The following NPAS2 variants were observed in gnomAD, a reference collection of about 807,000 sequenced individuals.
NPAS2 encodes the protein neuronal PAS domain-containing protein 2.
In NPAS2, 23 loss-of-function variants were observed where a neutral mutation model predicts 107.5. That is an observed-to-expected ratio of 0.21 (90% confidence interval 0.15 to 0.30). The LOEUF (loss-of-function observed/expected upper bound fraction) is 0.30. Among genes scored for constraint, NPAS2 ranks in the 10% least tolerant of loss-of-function variants. The pLI is 1.00. For synonymous variants in NPAS2, 403 were observed against 417.5 expected (o/e 0.97, Z 0.42); for missense variants, 756 against 1,043.3 (o/e 0.72, Z 3.79).
intron 1 of NPAS2, among the ~76,000 whole-genome samples, chr2:100,845,009 G>A (rs1677683034): frequency 6.6e-6 from 1 of 152,158 alleles, no homozygotes; most frequent in African/African-American, 2.4e-5. Flanking sequence ...GAGACTTAGA[G>A]GCAGGCAGGG....
intron 7 of NPAS2, among the ~76,000 whole-genome samples, chr2:100,955,296 T>C (rs953904542): frequency 3.3e-5 from 5 of 152,196 alleles, no homozygotes; most frequent in African/African-American, 1.2e-4. Flanking sequence ...TTTATATATA[T>C]GTATAAATAA....
intron 1 of NPAS2, among the ~76,000 whole-genome samples, chr2:100,888,549 T>C (rs1043407256): frequency 3.9e-5 from 6 of 152,298 alleles, no homozygotes; most frequent in African/African-American, 1.4e-4. Context: ...CCCCACCCCA[T>C]AGTTACTACC....
chr2:100,959,033 A>G (rs538120397), intron 7 of NPAS2, among the ~76,000 whole-genome samples: 1 of 145,146 alleles, frequency 6.9e-6, no homozygotes, highest in East Asian at 2.3e-4. Flanking sequence ...AAGTTAGATA[A>G]TTTGAGCTCA....
At chr2:100,919,507 A>G (rs1683091393) in intron 2 of NPAS2, among the ~76,000 whole-genome samples, 1 of 152,226 alleles carries the variant, frequency 6.6e-6, no homozygotes, top group Non-Finnish European at 1.5e-5. Context: ...GGTAGGGAGC[A>G]GCAGCGCCGT....
rs550708374 is a variant in NPAS2, at chr2:100,848,419, T to C, written c.-23+28005T>C. Reference sequence around the variant, plus strand: ...AAAGATCTGGATGAAGCCTTGAGTGTTTGCCTTTCTGGGATCCAAGGAAAC... The same window carrying C: ...AAAGATCTGGATGAAGCCTTGAGTGCTTGCCTTTCTGGGATCCAAGGAAAC... On this transcript the variant is annotated intron_variant, in intron 1 of 20. Coordinates refer to ENST00000335681, the MANE Select transcript of NPAS2 (RefSeq NM_002518.4). Among the ~76,000 whole-genome samples, 7 of 152,250 alleles carry C rather than the reference T, an allele frequency of 4.6e-5. No homozygotes were observed. In the South Asian group the frequency reaches 1.2e-3, roughly 27 times the overall value.
At chr2:100,911,460 T>C (rs1682543044) in intron 2 of NPAS2, among the ~76,000 whole-genome samples, 1 of 152,196 alleles carries the variant, frequency 6.6e-6, no homozygotes, top group Admixed American at 6.5e-5. Flanking sequence ...GTTTTGCTCT[T>C]ATTGCCCAGA....
chr2:100,880,591 A>T (rs1680270348), intron 1 of NPAS2, among the ~76,000 whole-genome samples: 1 of 152,108 alleles, frequency 6.6e-6, no homozygotes, highest in African/African-American at 2.4e-5. Context: ...TGAGACAGGG[A>T]ATTGGGGGAG....
chr2:100,958,077 A>G (rs934409722), intron 7 of NPAS2, among the ~76,000 whole-genome samples: 2 of 152,208 alleles, frequency 1.3e-5, no homozygotes, highest in African/African-American at 4.8e-5. Flanking sequence ...AAATCCAGAA[A>G]GCAGTATTTC....
intron 2 of NPAS2, among the ~76,000 whole-genome samples, chr2:100,912,185 A>T (rs1371292813): frequency 1.3e-5 from 2 of 152,114 alleles, no homozygotes; most frequent in Non-Finnish European, 2.9e-5. Context: ...CCTAGTCCTG[A>T]TATGCCTTCT....
chr2:100,926,761 A>T (rs1279562422), intron 3 of NPAS2, among the ~76,000 whole-genome samples: 1 of 152,110 alleles, frequency 6.6e-6, no homozygotes, highest in African/African-American at 2.4e-5. Flanking sequence ...TTTTCAAGTG[A>T]TACTCTTTGA....
At position 100,821,971 on chromosome 2, in the gene NPAS2, C is replaced by G. The variant is rs535956886; in HGVS notation, c.-23+1557C>G. ...AATATTTAGTTAAAAATAAAGTGTG[C>G]AAAGTAAAGACGTTCAGTAATTATC... is the stretch of plus-strand genomic sequence containing the variant. On this transcript the variant is annotated intron_variant, in intron 1 of 20. Transcript: ENST00000335681. Among the ~76,000 whole-genome samples, 4 of 152,304 alleles carry G rather than the reference C, an allele frequency of 2.6e-5. No individual in the cohort carries two copies. In the South Asian group the frequency reaches 8.3e-4, roughly 32 times the overall value.
chr2:100,914,627 A>G (rs183253811), intron 2 of NPAS2, among the ~76,000 whole-genome samples: 2 of 152,262 alleles, frequency 1.3e-5, no homozygotes, highest in Admixed American at 1.3e-4. Context: ...AGCTCACCCC[A>G]TACGCTTTTC....
At chr2:100,970,092 G>A (rs750071993) in intron 11 of NPAS2, among the ~76,000 whole-genome samples, 6 of 152,106 alleles carry the variant, frequency 3.9e-5, no homozygotes, top group Non-Finnish European at 7.4e-5. Flanking sequence ...TCATGCCTTC[G>A]CTCAGGGACT....
chr2:100,846,663 C>T (rs908445400), intron 1 of NPAS2, among the ~76,000 whole-genome samples: 1 of 152,120 alleles, frequency 6.6e-6, no homozygotes, highest in Non-Finnish European at 1.5e-5. Flanking sequence ...TGTTTAGCTG[C>T]ACACAATAAA....
intron 1 of NPAS2, among the ~76,000 whole-genome samples, chr2:100,856,078 A>G (rs890361930): frequency 2.6e-5 from 4 of 152,322 alleles, no homozygotes; most frequent in Non-Finnish European, 5.9e-5. Flanking sequence ...AGCCCTACTT[A>G]AGCAAAATTA....
intron 17 of NPAS2, chr2:100,988,531 T>G (rs1677904110): frequency 2.0e-6 from 1 of 492,168 alleles, no homozygotes; most frequent in Non-Finnish European, 3.7e-6. Flanking sequence ...TGCTTAAAGA[T>G]ATCACTCGGC....
Position 100,837,173 on chromosome 2 carries a change from G to A in NPAS2, c.-23+16759G>A, listed in dbSNP as rs540321562. Among the ~76,000 whole-genome samples, 24 of 152,188 alleles carry A rather than the reference G, an allele frequency of 1.6e-4. No homozygotes were observed. In the South Asian group the frequency reaches 1.9e-3, roughly 12 times the overall value. ...CAGAAGCCTGAATTCACTTGAGTTC[G>A]GGCAGAATAGATAATTCATCCAGAT... On this transcript the variant is annotated intron_variant, in intron 1 of 20. Coordinates refer to ENST00000335681, the MANE Select transcript of NPAS2 (RefSeq NM_002518.4).
At chr2:100,825,424 C>T (rs1386570229) in intron 1 of NPAS2, among the ~76,000 whole-genome samples, 3 of 152,158 alleles carry the variant, frequency 2.0e-5, no homozygotes, top group Non-Finnish European at 4.4e-5. Context: ...ATTAGTTTAT[C>T]TTAAAAAGCA....
Position 100,850,688 on chromosome 2 carries a change from C to T in NPAS2, c.-23+30274C>T, listed in dbSNP as rs142226865. ...GAAGGACAGGCCAGGTACGGTGGCTCATGCCTGTAATCCCAGCACTTTAGG... is the reference window on the plus strand; with the variant it reads ...GAAGGACAGGCCAGGTACGGTGGCTTATGCCTGTAATCCCAGCACTTTAGG... On this transcript the variant is annotated intron_variant, in intron 1 of 20. Coordinates refer to ENST00000335681, the MANE Select transcript of NPAS2 (RefSeq NM_002518.4). Among the ~76,000 whole-genome samples the T allele has an allele frequency of 7.4e-3, 1,131 of 152,208 alleles. 8 individuals carry two copies. Among genetic ancestry groups the T allele is most frequent in the Admixed American group, 0.012 (180 of 15,278 alleles).
Sources: gnomAD v4.1 joint callset for allele counts (sites outside exome capture counted in the v4.1 genomes callset) on GRCh38, gnomAD v4.1.1 for gene constraint, MANE v1.5 for transcripts, NCBI Gene and HGNC (gene_info 2026-07-23, HGNC 2026-07-21) for gene names.